The following EYS variants were observed in gnomAD, a reference collection of about 807,000 sequenced individuals.
The protein encoded by EYS is EGF-like photoreceptor maintenance factor, also known as protein eyes shut homolog.
A neutral mutation model predicts 282.1 loss-of-function variants in EYS; 250 were observed. The ratio of observed to expected loss-of-function variants is 0.89; its 90% CI spans 0.80 to 0.98. The LOEUF (loss-of-function observed/expected upper bound fraction) is 0.98. Ranked by LOEUF, EYS falls within the 50% of genes least tolerant of loss-of-function variation. EYS has a pLI of 0.00. For missense variants in EYS, 4,016 were observed against 3,709.0 expected (o/e 1.08, Z -2.15); for synonymous variants, 1,355 against 1,282.9 (o/e 1.06, Z -1.20).
intron 1 of EYS, among the ~76,000 whole-genome samples, chr6:65,642,533 AT>A (rs11299994): frequency 0.58 from 87,824 of 151,402 alleles, 26,862 homozygotes; most frequent in East Asian, 0.78. Flanking sequence ...CAATCATTTT[AT>A]TTTTTTTTAT....
intron 35 of EYS, among the ~76,000 whole-genome samples, chr6:63,895,863 T>C (rs1282136573): frequency 6.6e-6 from 1 of 151,422 alleles, no homozygotes; most frequent in Non-Finnish European, 1.5e-5. Flanking sequence ...CTTCCTCTAA[T>C]TTATGTGGAC....
intron 14 of EYS, among the ~76,000 whole-genome samples, chr6:64,987,772 C>G (rs1457833034): frequency 6.6e-6 from 1 of 151,346 alleles, no homozygotes; most frequent in African/African-American, 2.4e-5. Context: ...CACCTCAGAA[C>G]AAAGTGGGAT....
chr6:64,049,097 TTG>T, intron 33 of EYS, among the ~76,000 whole-genome samples: 1 of 152,278 alleles, frequency 6.6e-6, no homozygotes, highest in Non-Finnish European at 1.5e-5. Context: ...AGTAGTTATT[TTG>T]TGTGAGTATT....
At chr6:63,725,924 G>C (rs1351525117) in intron 42 of EYS, among the ~76,000 whole-genome samples, 1 of 152,126 alleles carries the variant, frequency 6.6e-6, no homozygotes, top group Non-Finnish European at 1.5e-5. Flanking sequence ...TATATGTGCA[G>C]ATGTCTTTGT....
intron 31 of EYS, among the ~76,000 whole-genome samples, chr6:64,157,228 A>G (rs1189646149): frequency 1.3e-5 from 2 of 152,014 alleles, no homozygotes; most frequent in African/African-American, 2.4e-5. Flanking sequence ...TGAACTCATC[A>G]TTTCTTATGG....
chr6:64,294,590 C>T (rs534662773), intron 30 of EYS, among the ~76,000 whole-genome samples: 24 of 152,224 alleles, frequency 1.6e-4, no homozygotes, highest in African/African-American at 4.6e-4. Flanking sequence ...ATCAAGTAAA[C>T]GGAGCCACCA....
At chr6:65,398,519 A>G (rs1197214943) in intron 7 of EYS, among the ~76,000 whole-genome samples, 3 of 148,032 alleles carry the variant, frequency 2.0e-5, no homozygotes, top group Non-Finnish European at 4.6e-5. Context: ...AAAATCCTAG[A>G]AAAAAAAACT....
chr6:64,269,122 C>A (rs1443998124), intron 30 of EYS, among the ~76,000 whole-genome samples: 2 of 152,036 alleles, frequency 1.3e-5, no homozygotes, highest in African/African-American at 4.8e-5. Flanking sequence ...TCATTGTCTA[C>A]CAACTAGGCT....
intron 12 of EYS, among the ~76,000 whole-genome samples, chr6:65,063,864 C>T (rs1013286589): frequency 3.3e-5 from 5 of 151,836 alleles, no homozygotes; most frequent in African/African-American, 1.2e-4. Context: ...CTGTCTCTTG[C>T]CTTCCTCACT....
intron 12 of EYS, among the ~76,000 whole-genome samples, chr6:65,156,590 C>T (rs1368995975): frequency 6.6e-6 from 1 of 151,084 alleles, no homozygotes; most frequent in Non-Finnish European, 1.5e-5. Context: ...AACAAATTAT[C>T]TTACTGCTAC....
In EYS at chr6:64,893,734, AG is replaced by A. The variant is rs201163794; in HGVS notation, c.2847-6893del. 6.1e-3 allele frequency among the ~76,000 whole-genome samples: 929 copies of A among 152,084 alleles called. 6 individuals carry two copies. The highest frequency in any genetic ancestry group is 0.01 in the Middle Eastern group (3 of 292). ...CCATCACCCATATTTAACTCATCTT[AG>A]TATTGTTTCATGTTGCTGAAATATT... On this transcript the variant is annotated intron_variant, in intron 18 of 42. Coordinates refer to ENST00000503581, the MANE Select transcript of EYS (RefSeq NM_001142800.2).
intron 28 of EYS, among the ~76,000 whole-genome samples, chr6:64,403,751 A>G (rs1289043907): frequency 2.0e-5 from 3 of 152,190 alleles, no homozygotes; most frequent in African/African-American, 2.4e-5. Context: ...AACACCTCCA[A>G]GCCTTCCTCA....
At chr6:64,578,877 T>C (rs1424486615) in intron 26 of EYS, among the ~76,000 whole-genome samples, 2 of 152,148 alleles carry the variant, frequency 1.3e-5, no homozygotes, top group East Asian at 3.9e-4. Flanking sequence ...ATATCTTAAT[T>C]ACTGACATTA....
chr6:64,780,086 A>G (rs1269000681), intron 22 of EYS, among the ~76,000 whole-genome samples: 1 of 152,198 alleles, frequency 6.6e-6, no homozygotes, highest in Non-Finnish European at 1.5e-5. Context: ...TAGAGACTAG[A>G]GATTAATATC....
intron 22 of EYS, among the ~76,000 whole-genome samples, chr6:64,777,287 T>C (rs1402319822): frequency 1.3e-5 from 2 of 152,154 alleles, no homozygotes; most frequent in African/African-American, 4.8e-5. Flanking sequence ...TTATAGATAT[T>C]AACATGATTT....
In EYS at chr6:64,043,410, A is replaced by G. The variant is rs370358191; in HGVS notation, c.6725+22928T>C. 9.8e-5 allele frequency among the ~76,000 whole-genome samples: 15 copies of G among 152,368 alleles called. No individual in the cohort carries two copies. In the East Asian group the frequency reaches 2.9e-3, roughly 29 times the overall value. The stretch of plus-strand genomic sequence containing the variant: ...AAGAGCATGGGGACATCTAGATTGC[A>G]TGCGTGTCACACGCAGGTCATGAGG... On this transcript the variant is annotated intron_variant, in intron 33 of 42. Coordinates refer to ENST00000503581, the MANE Select transcript of EYS (RefSeq NM_001142800.2).
At chr6:65,218,708 C>T (rs1018307898) in intron 12 of EYS, among the ~76,000 whole-genome samples, 1 of 152,038 alleles carries the variant, frequency 6.6e-6, no homozygotes, top group African/African-American at 2.4e-5. Context: ...CGTTACAGTT[C>T]TAAATCACCA....
chr6:64,446,998 G>A (rs1775138882), intron 26 of EYS, among the ~76,000 whole-genome samples: 1 of 149,696 alleles, frequency 6.7e-6, no homozygotes, highest in Admixed American at 6.7e-5. Context: ...GGGGGGGGGT[G>A]CTCATGTACA....
intron 12 of EYS, among the ~76,000 whole-genome samples, chr6:65,242,013 C>A (rs537446364): frequency 4.7e-4 from 72 of 151,946 alleles, no homozygotes; most frequent in Non-Finnish European, 9.0e-4. Context: ...CAAATTCCAG[C>A]AAAATTCCTA....
Sources: gnomAD v4.1 joint callset for allele counts (sites outside exome capture counted in the v4.1 genomes callset) on GRCh38, gnomAD v4.1.1 for gene constraint, MANE v1.5 for transcripts, NCBI Gene and HGNC (gene_info 2026-07-23, HGNC 2026-07-21) for gene names.